The following CCDC141 variants were observed in gnomAD, a reference collection of about 807,000 sequenced individuals.
The protein encoded by CCDC141 is coiled-coil domain-containing protein 141.
A neutral mutation model predicts 181.0 loss-of-function variants in CCDC141; 168 were observed. The ratio of observed to expected loss-of-function variants is 0.93; its 90% CI spans 0.82 to 1.05. The LOEUF (loss-of-function observed/expected upper bound fraction) is 1.05, where lower values mean the gene tolerates loss of function less well. Ranked by LOEUF, CCDC141 falls within the 50% of genes least tolerant of loss-of-function variation. CCDC141 has a pLI of 0.00. For missense variants in CCDC141, 1,902 were observed against 1,788.5 expected (o/e 1.06, Z -1.14); for synonymous variants, 666 against 642.3 (o/e 1.04, Z -0.56).
chr2:178,992,557 A>G (rs192346579), intron 2 of CCDC141, among the ~76,000 whole-genome samples: 1 of 152,262 alleles, frequency 6.6e-6, no homozygotes, highest in East Asian at 1.9e-4. Flanking sequence ...AGAGGACTGT[A>G]CTTCTATGCC....
rs1441390760 is a variant in CCDC141, at chr2:178,833,002, C to G, written c.*1171G>C. 1 of 152,030 alleles carries G rather than the reference C, an allele frequency of 6.6e-6. No homozygotes were observed. The highest frequency in any genetic ancestry group is 1.5e-5 in the Non-Finnish European group (1 of 67,992). The allele number at this position is 152,030 out of a possible 1,614,324, so 9.4% of individuals were successfully genotyped here. On this transcript the variant is annotated 3_prime_UTR_variant, in exon 24 of 24. Transcript: ENST00000443758. The stretch of plus-strand genomic sequence containing the variant: ...CATCTCATACCATTCTATTACGTTT[C>G]CCCCTAGAACAAACAAAATGTATCC...
chr2:178,866,018 A>T, intron 16 of CCDC141, 102 bp from the exon 17 acceptor site: 1 of 954,852 alleles, frequency 1.0e-6, no homozygotes, highest in Non-Finnish European at 1.4e-6. Context: ...ACACTTTTTA[A>T]AAAAAGAAAT....
chr2:179,005,415 C>T (rs538429884), intron 2 of CCDC141, among the ~76,000 whole-genome samples: 9 of 152,142 alleles, frequency 5.9e-5, no homozygotes, highest in South Asian at 2.1e-4. Flanking sequence ...GAGGAAAAGA[C>T]AGCAAATTAA....
At chr2:179,013,961 A>AC (rs2042349406) in intron 2 of CCDC141, among the ~76,000 whole-genome samples, 1 of 18,586 alleles carries the variant, frequency 5.4e-5, no homozygotes, top group Non-Finnish European at 1.7e-4. Flanking sequence ...ACTCCATCTC[A>AC]AAAAAAAAAA....
rs558759720 is a variant in CCDC141, at chr2:178,899,454, A to G, written c.1265+5875T>C. Among the ~76,000 whole-genome samples, 158 of 152,240 alleles carry G rather than the reference A, an allele frequency of 1.0e-3. 7 individuals carry two copies. In the South Asian group the frequency reaches 0.021, roughly 20 times the overall value. ...CAATAAATAAGTGAGTTTGTGCTCA[A>G]CTGGTGGTGCTGTCTCATTCAATTT... On this transcript the variant is annotated intron_variant, in intron 8 of 23. Coordinates refer to ENST00000443758, the MANE Select transcript of CCDC141 (RefSeq NM_173648.4).
chr2:178,968,284 A>AT (rs1416893782), intron 4 of CCDC141, among the ~76,000 whole-genome samples: 4 of 152,166 alleles, frequency 2.6e-5, no homozygotes. Context: ...CAGAATATAC[A>AT]TTTTTCTCAG....
At chr2:178,815,864 TA>T in the CCDC141 span, among the ~76,000 whole-genome samples, 1 of 152,138 alleles carries the variant, frequency 6.6e-6, no homozygotes, top group Non-Finnish European at 1.5e-5. Flanking sequence ...AACATGTGAG[TA>T]GGGAGAGGCA....
intron 2 of CCDC141, among the ~76,000 whole-genome samples, chr2:179,030,195 A>G (rs1166487343): frequency 6.6e-6 from 1 of 152,114 alleles, no homozygotes; most frequent in Non-Finnish European, 1.5e-5. Flanking sequence ...AAATATTTAT[A>G]AATAAATTAA....
intron 5 of CCDC141, among the ~76,000 whole-genome samples, chr2:178,952,158 G>A (rs1215849305): frequency 6.6e-6 from 1 of 152,216 alleles, no homozygotes; most frequent in East Asian, 1.9e-4. Context: ...TGGCATTTAT[G>A]CCCTGTTCAT....
intron 2 of CCDC141, among the ~76,000 whole-genome samples, chr2:179,044,565 A>G (rs1396931521): frequency 6.6e-6 from 1 of 152,212 alleles, no homozygotes; most frequent in Non-Finnish European, 1.5e-5. Flanking sequence ...GTGAGGTAGC[A>G]CAAGAGTTCC....
intron 17 of CCDC141, 64 bp downstream of exon 17, chr2:178,865,703 A>C: frequency 5.1e-6 from 7 of 1,369,388 alleles, no homozygotes; most frequent in Non-Finnish European, 6.7e-6. Flanking sequence ...GGACATTTAG[A>C]CACATGCTTT....
In CCDC141 at chr2:178,978,616, G is replaced by A; in HGVS notation, c.285C>T (p.Asn95=). 1.3e-6 allele frequency: 2 copies of A among 1,549,344 alleles called. No individual in the cohort carries two copies. Among genetic ancestry groups the A allele is most frequent in the Non-Finnish European group, 1.7e-6 (2 of 1,146,440 alleles). The part of the protein sequence containing the change: ...LQEADKTAEE[N]KDQSQVYDAM... ...CATCATAGACCTGACTCTGATCCTT[G>A]TTCTCTTCAGCTGTCTTGTCTGCTT... The change falls in exon 3 of 24, where the codon AAC becomes AAT. Residue 95 remains asparagine (N), a synonymous_variant. Coordinates refer to ENST00000443758, the MANE Select transcript of CCDC141 (RefSeq NM_173648.4).
At chr2:178,988,974 T>A (rs61196132) in intron 2 of CCDC141, among the ~76,000 whole-genome samples, 2,180 of 152,302 alleles carry the variant, frequency 0.014, 55 homozygotes, top group African/African-American at 0.05. Flanking sequence ...ATTGAATTAT[T>A]ACCTTTCATA....
intron 2 of CCDC141, among the ~76,000 whole-genome samples, chr2:179,032,444 T>C (rs1334306938): frequency 6.6e-6 from 1 of 152,168 alleles, no homozygotes; most frequent in Admixed American, 6.5e-5. Flanking sequence ...TCCCTCTCCC[T>C]CTCTGACCCT....
At chr2:178,878,300 T>TTTATTTATTTTA (rs11282658) in intron 11 of CCDC141, among the ~76,000 whole-genome samples, 157 bp from the exon 12 acceptor site, 3,772 of 142,950 alleles carry the variant, frequency 0.026, 61 homozygotes, top group Middle Eastern at 0.032. Flanking sequence ...TATTTATTTA[T>TTTATTTATTTTA]TTTATTTATT....
intron 21 of CCDC141, among the ~76,000 whole-genome samples, chr2:178,847,493 T>C (rs1684988350): frequency 6.6e-6 from 1 of 152,120 alleles, no homozygotes; most frequent in African/African-American, 2.4e-5. Context: ...ATAACACCAC[T>C]ACACTCCAGC....
chr2:178,854,095 T>C (rs1345400876), intron 19 of CCDC141, among the ~76,000 whole-genome samples: 2 of 152,238 alleles, frequency 1.3e-5, no homozygotes, highest in Non-Finnish European at 2.9e-5. Context: ...AATACTCTAA[T>C]AAATAAATTA....
rs150991367 is a variant in CCDC141, at chr2:178,865,778, C to A, written c.2713G>T (p.Glu905Ter). ...CCTCCCACACCCACCTCATTTATCTCGTCTCTCATGGCGCAGTACTCCACA... is the reference window on the plus strand; with the variant it reads ...CCTCCCACACCCACCTCATTTATCTAGTCTCTCATGGCGCAGTACTCCACA... The part of the protein sequence containing the change: ...RSVEYCAMRD[E>*]INELKDSFKD... The change falls in exon 17 of 24, where the codon GAG becomes TAG. Residue 905 changes from glutamate to a stop codon, truncating the protein, a stop_gained. Coordinates refer to ENST00000443758, the MANE Select transcript of CCDC141 (RefSeq NM_173648.4). LOFTEE classifies it high-confidence loss of function. 1.5e-5 allele frequency: 23 copies of A among 1,542,970 alleles called. No individual in the cohort carries two copies. Among genetic ancestry groups the A allele is most frequent in the Non-Finnish European group, 2.0e-5 (23 of 1,146,550 alleles).
chr2:178,874,166 G>A (rs1452156003), intron 12 of CCDC141: 3 of 152,168 alleles, frequency 2.0e-5, no homozygotes. Context: ...AAGCCTAGTG[G>A]TCCAAAAGAT....
Sources: gnomAD v4.1 joint callset for allele counts (sites outside exome capture counted in the v4.1 genomes callset) on GRCh38, gnomAD v4.1.1 for gene constraint, MANE v1.5 for transcripts, NCBI Gene and HGNC (gene_info 2026-07-23, HGNC 2026-07-21) for gene names.